The following TRIM6 variants were observed in gnomAD, a reference collection of about 807,000 sequenced individuals.
TRIM6 encodes the protein tripartite motif-containing protein 6.
Under a neutral mutation model 51.2 loss-of-function variants are expected in TRIM6, and 43 were observed. That is an observed-to-expected ratio of 0.84 (90% CI 0.66 to 1.08). TRIM6 has a LOEUF of 1.08. Among genes scored for constraint, TRIM6 ranks in the 50% least tolerant of loss-of-function variants. The pLI, the probability that TRIM6 is intolerant of heterozygous loss-of-function variation, is 0.00. For synonymous variants in TRIM6, 215 were observed against 232.4 expected, an observed-to-expected ratio of 0.93 and a Z score of 0.68; for missense variants, 669 against 619.0, an observed-to-expected ratio of 1.08 and a Z score of -0.86.
chr11:5,610,134 G>A lies in TRIM6; in HGVS notation c.858-11G>A, dbSNP rs761863510. The A allele has an allele frequency of 1.2e-6, 2 of 1,613,660 alleles. No individual in the cohort carries two copies. The highest frequency in any genetic ancestry group is 1.7e-6 in the Non-Finnish European group (2 of 1,179,852). On this transcript the variant is annotated splice_polypyrimidine_tract_variant and intron_variant, in intron 5 of 7. Coordinates refer to ENST00000380097, the MANE Select transcript of TRIM6 (RefSeq NM_001003818.3). ...AGCAGTGTGGGAACTCAGAAGTCCT[G>A]TCCTTTCTAGGAGTGAGTTCTGGAC...
chr11:5,601,766 C>A (rs563220581), intron 1 of TRIM6, among the ~76,000 whole-genome samples: 5 of 152,096 alleles, frequency 3.3e-5, no homozygotes, highest in East Asian at 3.9e-4. Context: ...TCAACAACAA[C>A]AAAAAAATTA....
At chr11:5,596,550 T>TCCCCTCCCCCCTG (rs1847473628), upstream of TRIM6, 1 of 46,318 alleles carries the variant, frequency 2.2e-5, no homozygotes, top group Non-Finnish European at 3.8e-5. Context: ...CCTTCCCCCT[T>TCCCCTCCCCCCTG]CCCCCTTCCC....
In TRIM6 at chr11:5,610,537, C is replaced by G; in HGVS notation, c.961C>G (p.Leu321Val). 6.2e-7 allele frequency: 1 copy of G among 1,613,990 alleles called. No homozygotes were observed. The highest frequency in any genetic ancestry group is 1.3e-5 in the African/African-American group (1 of 75,044). The change falls in exon 7 of 8, where the codon CTG becomes GTG. Residue 321 changes from leucine (L) to valine (V), a missense_variant and splice_region_variant. Physicochemically the swap from Leu to Val is conservative, Grantham distance 32. Coordinates refer to ENST00000380097, the MANE Select transcript of TRIM6 (RefSeq NM_001003818.3). Reference sequence around the variant, plus strand: ...ATTGACTCTTTTCATCATTACAGAGCTGACAGATGTCCAAAGCTACTGGGG... The same window carrying G: ...ATTGACTCTTTTCATCATTACAGAGGTGACAGATGTCCAAAGCTACTGGGG... ...LKRMLRVCRE[L>V]TDVQSYWVDV...
At chr11:5,608,515 C>T (rs1173431724) in intron 5 of TRIM6, 121 bp downstream of exon 5, 11 of 1,452,300 alleles carry the variant, frequency 7.6e-6, no homozygotes, top group African/African-American at 5.7e-5. Context: ...AGTCTTGAAT[C>T]GCGCATCACA....
rs746140740 is a variant in TRIM6, at chr11:5,603,316, A to G, written c.88A>G (p.Thr30Ala). ...QAGARRVATM[T>A]SPVLVDIREE... is the part of the protein sequence containing the mutation. ...AGGAGCCAGGAGAGTAGCTACAATG[A>G]CTTCACCAGTACTGGTGGACATACG... Residue 30 changes from threonine to alanine, a missense_variant, in exon 2 of 8, where the codon ACT becomes GCT. Coordinates refer to ENST00000380097, the MANE Select transcript of TRIM6 (RefSeq NM_001003818.3). 6.2e-7 allele frequency: 1 copy of G among 1,614,000 alleles called. No homozygotes were observed. Among genetic ancestry groups the G allele is most frequent in the East Asian group, 2.2e-5 (1 of 44,844 alleles).
In TRIM6 at chr11:5,611,072, T is replaced by A. The variant is rs1367077440; in HGVS notation, c.1281T>A (p.Ser427Arg). 1 of 1,614,116 alleles carries A rather than the reference T, an allele frequency of 6.2e-7. No homozygotes were observed. Among genetic ancestry groups the A allele is most frequent in the Non-Finnish European group, 8.5e-7 (1 of 1,180,030 alleles). The change falls in exon 8 of 8, where the codon AGT becomes AGA. Residue 427 changes from serine to arginine, a missense_variant. By Grantham distance (110) the Ser-to-Arg change is moderately radical. Transcript: ENST00000380097. ...CTTACTCCAGGTATCAGCCTCAGAG[T>A]GGATACTGGGTGATTGGGTTACAGC... Reference protein sequence around the residue: ...HSAYSRYQPQSGYWVIGLQHN... With the variant: ...HSAYSRYQPQRGYWVIGLQHN...
In TRIM6 at chr11:5,611,770, C is replaced by T. The variant is rs531445231; in HGVS notation, c.*428C>T. On this transcript the variant is annotated 3_prime_UTR_variant, in exon 8 of 8. Transcript: ENST00000380097. Reference sequence around the variant, plus strand: ...GCCCAGACAGTTCTTTCGTTTTAAACAGTTACTCAGTACTAGGATGCACCC... The same window carrying T: ...GCCCAGACAGTTCTTTCGTTTTAAATAGTTACTCAGTACTAGGATGCACCC... The T allele has an allele frequency of 2.0e-4, 38 of 186,724 alleles. No individual in the cohort carries two copies. In the East Asian group the frequency reaches 5.0e-3, roughly 25 times the overall value. The allele number at this position is 186,724 out of a possible 1,614,324, so 11.6% of individuals were successfully genotyped here.
rs1273883064 is a variant in TRIM6 at position 5,612,829 on chromosome 11, AC to A, written c.*1489del. 3.3e-5 allele frequency: 5 copies of A among 152,344 alleles called. No homozygotes were observed. Among genetic ancestry groups the A allele is most frequent in the Non-Finnish European group, 7.4e-5 (5 of 68,026 alleles). The allele number at this position is 152,344 out of a possible 1,614,324, so 9.4% of individuals were successfully genotyped here. A position where few individuals can be genotyped will look rare whatever the true frequency, so the allele number is the denominator to read the frequency against. On this transcript the variant is annotated 3_prime_UTR_variant, in exon 8 of 8. Coordinates refer to ENST00000380097, the MANE Select transcript of TRIM6 (RefSeq NM_001003818.3). The stretch of plus-strand genomic sequence containing the variant: ...GATGTGCTCAATGTATAAAATATAT[AC>A]CAGATTTCAAATACCTACTTCAAAA...
At chr11:5,600,639 A>G (rs1451181390) in intron 1 of TRIM6, among the ~76,000 whole-genome samples, 1 of 152,148 alleles carries the variant, frequency 6.6e-6, no homozygotes, top group Non-Finnish European at 1.5e-5. Flanking sequence ...CCAGGTCCTC[A>G]AGATGGGGGT....
chr11:5,610,949 G>C lies in TRIM6; in HGVS notation c.1158G>C (p.Glu386Asp). The C allele has an allele frequency of 2.5e-6, 4 of 1,614,176 alleles. No individual in the cohort carries two copies. Among genetic ancestry groups the C allele is most frequent in the Non-Finnish European group, 3.4e-6 (4 of 1,180,032 alleles). Reference protein sequence around the residue: ...QHFSSGKHYWEVDVAKKTAWI... With the variant: ...QHFSSGKHYWDVDVAKKTAWI... ...TCTCCTCTGGTAAGCATTACTGGGA[G>C]GTAGATGTGGCCAAGAAGACTGCCT... The change falls in exon 8 of 8, where the codon GAG becomes GAC. Residue 386 changes from glutamate to aspartate, a missense_variant. Glu to Asp is a conservative substitution (Grantham distance 45). Coordinates refer to ENST00000380097, the MANE Select transcript of TRIM6 (RefSeq NM_001003818.3).
At chr11:5,609,621 A>G (rs1213989616) in intron 5 of TRIM6, among the ~76,000 whole-genome samples, 1 of 152,178 alleles carries the variant, frequency 6.6e-6, no homozygotes, top group African/African-American at 2.4e-5. Flanking sequence ...ACAAAATGAG[A>G]CTTTAAGAAG....
intron 1 of TRIM6, among the ~76,000 whole-genome samples, chr11:5,601,432 C>T (rs1279378490): frequency 6.6e-6 from 1 of 152,168 alleles, no homozygotes; most frequent in African/African-American, 2.4e-5. Context: ...TTCTAAATCA[C>T]AACTGGTTAC....
intron 2 of TRIM6, 106 bp from the exon 3 acceptor site, chr11:5,604,428 C>A: frequency 3.9e-6 from 5 of 1,272,314 alleles, no homozygotes; most frequent in Non-Finnish European, 5.3e-6. Context: ...TAGGTTAGGA[C>A]AGGCTTCTTT....
rs761961900 is a variant in TRIM6, at chr11:5,611,168, C to T, written c.1377C>T (p.Arg459=). Residue 459 remains arginine, a synonymous_variant, in exon 8 of 8, where the codon CGC becomes CGT. Transcript: ENST00000380097. ...TTCTCTCCATGACAGTGCCCCCTCG[C>T]CGTGTTGGGGTTTTCTTAGATTATG... The part of the protein sequence containing the change: ...SLLLSMTVPP[R]RVGVFLDYEA... The T allele has an allele frequency of 1.2e-6, 2 of 1,614,150 alleles. No homozygotes were observed. The highest frequency in any genetic ancestry group is 4.5e-5 in the East Asian group (2 of 44,878).
chr11:5,603,197 C>A, intron 1 of TRIM6, 49 bp from the exon 2 acceptor site: 1 of 1,575,752 alleles, frequency 6.3e-7, no homozygotes, highest in Non-Finnish European at 8.6e-7. Context: ...TTCCCTTATT[C>A]TCCCTCCTTT....
At chr11:5,609,241 C>T (rs1211414248) in intron 5 of TRIM6, among the ~76,000 whole-genome samples, 1 of 152,118 alleles carries the variant, frequency 6.6e-6, no homozygotes, top group Non-Finnish European at 1.5e-5. Context: ...GGAACCCTAT[C>T]GTCCCTTCTG....
At position 5,611,267 on chromosome 11, in the gene TRIM6, T is replaced by G; in HGVS notation, c.1476T>G (p.Phe492Leu). Residue 492 changes from phenylalanine to leucine, a missense_variant, in exon 8 of 8, where the codon TTT becomes TTG. Physicochemically the swap from Phe to Leu is conservative, Grantham distance 22. Coordinates refer to ENST00000380097, the MANE Select transcript of TRIM6 (RefSeq NM_001003818.3). ...FPIYTFSKYYFPTTLCPYFNP... is the reference protein window; with the variant it reads ...FPIYTFSKYYLPTTLCPYFNP... The stretch of plus-strand genomic sequence containing the variant: ...TCTACACTTTCTCTAAATATTACTT[T>G]CCCACTACTCTTTGTCCATATTTTA... 3.7e-6 allele frequency: 6 copies of G among 1,614,066 alleles called. No homozygotes were observed. In the East Asian group the frequency reaches 1.3e-4, roughly 36 times the overall value.
intron 1 of TRIM6, among the ~76,000 whole-genome samples, chr11:5,597,219 C>T (rs912532142): frequency 8.5e-5 from 13 of 152,206 alleles, no homozygotes; most frequent in Middle Eastern, 6.8e-3. Flanking sequence ...TAGTTTCTTC[C>T]ATCTATAAGA....
At chr11:5,601,053 A>G (rs1847813058) in intron 1 of TRIM6, among the ~76,000 whole-genome samples, 1 of 152,224 alleles carries the variant, frequency 6.6e-6, no homozygotes, top group Non-Finnish European at 1.5e-5. Flanking sequence ...TGAAGATATA[A>G]GGTCTCAACT....
Sources: allele counts gnomAD v4.1 joint callset (sites outside exome capture counted in the v4.1 genomes callset), GRCh38; gene constraint gnomAD v4.1.1; transcripts MANE v1.5; gene names NCBI Gene and HGNC (gene_info 2026-07-23, HGNC 2026-07-21).